Variants in CNOT6 observed in about 807,000 individuals in gnomAD.
CNOT6 encodes carbon catabolite repression 4 protein.
CNOT6 carries 12 observed loss-of-function variants against 61.2 expected under a neutral mutation model. The ratio of observed to expected loss-of-function variants is 0.20; its 90% CI spans 0.13 to 0.32. The LOEUF (loss-of-function observed/expected upper bound fraction) is 0.32. CNOT6 is among the 10% of genes least tolerant of loss of function. The pLI, the probability that CNOT6 is intolerant of heterozygous loss-of-function variation, is 1.00. For missense variants in CNOT6, 405 were observed against 663.9 expected (o/e 0.61, Z 4.28); for synonymous variants, 225 against 240.6 (o/e 0.94, Z 0.60).
chr5:180,550,174 G>C, intron 3 of CNOT6, 57 bp downstream of exon 3: 3 of 1,396,292 alleles, frequency 2.1e-6, no homozygotes, highest in Non-Finnish European at 3.0e-6. Context: ...CAAAATATAG[G>C]CCGGGCGCAG....
intron 1 of CNOT6, among the ~76,000 whole-genome samples, chr5:180,506,348 G>A (rs1037701008): frequency 1.3e-5 from 2 of 152,204 alleles, no homozygotes; most frequent in African/African-American, 4.8e-5. Context: ...GTGTCATTTA[G>A]TATCCCTGTG....
intron 1 of CNOT6, among the ~76,000 whole-genome samples, chr5:180,510,169 T>TA (rs1757325637): frequency 2.7e-5 from 3 of 109,136 alleles, no homozygotes; most frequent in African/African-American, 7.1e-5. Context: ...TTTTTTTTTT[T>TA]AAGAGATGGT....
intron 10 of CNOT6, among the ~76,000 whole-genome samples, chr5:180,570,496 G>A (rs1015460061): frequency 3.9e-5 from 6 of 152,220 alleles, no homozygotes; most frequent in Non-Finnish European, 8.8e-5. Context: ...AAGCAGTTGA[G>A]TAGTAGTCTC....
intron 2 of CNOT6, among the ~76,000 whole-genome samples, chr5:180,535,511 G>C (rs1758638335): frequency 6.6e-6 from 1 of 152,194 alleles, no homozygotes; most frequent in South Asian, 2.1e-4. Context: ...TAACTCAGTA[G>C]TATTTCTTGG....
intron 3 of CNOT6, among the ~76,000 whole-genome samples, chr5:180,552,268 C>T (rs1349630229): frequency 2.0e-5 from 3 of 152,136 alleles, no homozygotes; most frequent in Non-Finnish European, 4.4e-5. Context: ...CACAGACCTT[C>T]TGGCTTGCTC....
chr5:180,546,663 C>T (rs7727679), intron 2 of CNOT6, among the ~76,000 whole-genome samples: 70,908 of 152,046 alleles, frequency 0.47, 17,561 homozygotes, highest in Non-Finnish European at 0.56. Context: ...TAATCTCATA[C>T]ATACCCACGT....
intron 1 of CNOT6, among the ~76,000 whole-genome samples, chr5:180,499,175 A>G (rs77138693): frequency 0.015 from 2,237 of 152,328 alleles, 47 homozygotes; most frequent in African/African-American, 0.051. Flanking sequence ...TTGCTCTATA[A>G]TACAGGGTCA....
intron 2 of CNOT6, among the ~76,000 whole-genome samples, chr5:180,546,974 T>A (rs888412286): frequency 1.3e-5 from 2 of 152,234 alleles, no homozygotes; most frequent in African/African-American, 4.8e-5. Flanking sequence ...TCATACATAC[T>A]TTATGCAAAT....
chr5:180,537,867 G>C (rs1430082104), intron 2 of CNOT6, among the ~76,000 whole-genome samples: 3 of 148,188 alleles, frequency 2.0e-5, no homozygotes, highest in Non-Finnish European at 4.4e-5. Flanking sequence ...TTCATTGCCA[G>C]TGTATAAGAA....
chr5:180,538,055 T>G (rs1434935543), intron 2 of CNOT6, among the ~76,000 whole-genome samples: 2 of 145,660 alleles, frequency 1.4e-5, no homozygotes, highest in Non-Finnish European at 3.0e-5. Flanking sequence ...TTTTTTTTTT[T>G]TGAGACGGAG....
intron 2 of CNOT6, among the ~76,000 whole-genome samples, chr5:180,543,347 G>T (rs1759141089): frequency 6.6e-6 from 1 of 152,096 alleles, no homozygotes; most frequent in Non-Finnish European, 1.5e-5. Flanking sequence ...GCGTGAGCCA[G>T]TGCACCCGGC....
At chr5:180,558,485 G>A (rs1217927994) in intron 4 of CNOT6, among the ~76,000 whole-genome samples, 3 of 148,480 alleles carry the variant, frequency 2.0e-5, no homozygotes, top group African/African-American at 4.9e-5. Context: ...CCAGGAAGGC[G>A]CGCCCTCCTT....
chr5:180,552,742 G>A (rs991124080), intron 3 of CNOT6, among the ~76,000 whole-genome samples: 4 of 151,984 alleles, frequency 2.6e-5, no homozygotes, highest in South Asian at 2.1e-4. Context: ...GTGTCCCCCC[G>A]GCTCACCCTT....
In CNOT6 at chr5:180,565,963, A is replaced by C; in HGVS notation, c.703A>C (p.Ile235Leu). The C allele has an allele frequency of 6.2e-7, 1 of 1,613,168 alleles. No homozygotes were observed. Among genetic ancestry groups the C allele is most frequent in the Non-Finnish European group, 8.5e-7 (1 of 1,179,520 alleles). The change falls in exon 7 of 12, where the codon ATC becomes CTC. Residue 235 changes from isoleucine to leucine, a missense_variant. By Grantham distance (5) the Ile-to-Leu change is conservative (BLOSUM62 2). Transcript: ENST00000261951. ...IQEILSCNAD[I>L]VSLQEVETEQ... Reference sequence around the variant, plus strand: ...AGAAATCTTGAGCTGCAATGCTGATATCGTAAGTCTTCAGGTAAGTCAGAC... The same window carrying C: ...AGAAATCTTGAGCTGCAATGCTGATCTCGTAAGTCTTCAGGTAAGTCAGAC...
intron 4 of CNOT6, 152 bp downstream of exon 4, chr5:180,553,623 C>T: frequency 1.6e-6 from 1 of 613,906 alleles, no homozygotes; most frequent in Non-Finnish European, 2.8e-6. Context: ...GTTTTATCTT[C>T]TCTGTTCAGC....
At chr5:180,567,597 A>G (rs1760529023) in intron 8 of CNOT6, among the ~76,000 whole-genome samples, 1 of 152,224 alleles carries the variant, frequency 6.6e-6, no homozygotes, top group Non-Finnish European at 1.5e-5. Context: ...CCAACATAAA[A>G]CTTAAACAGA....
At chr5:180,536,512 G>A (rs574588608) in intron 2 of CNOT6, among the ~76,000 whole-genome samples, 31 of 152,132 alleles carry the variant, frequency 2.0e-4, no homozygotes, top group African/African-American at 7.5e-4. Flanking sequence ...CAGGCTGGAT[G>A]GAGTGGTATA....
At chr5:180,558,155 G>T (rs187222382) in intron 4 of CNOT6, among the ~76,000 whole-genome samples, 1 of 152,188 alleles carries the variant, frequency 6.6e-6, no homozygotes, top group African/African-American at 2.4e-5. Context: ...ACAGCTGTGC[G>T]TGGCCACAGG....
At chr5:180,507,954 C>G (rs1230423493) in intron 1 of CNOT6, among the ~76,000 whole-genome samples, 2 of 152,172 alleles carry the variant, frequency 1.3e-5, no homozygotes, top group South Asian at 2.1e-4. Flanking sequence ...AAAGCCACCC[C>G]TGTAATCCAG....
Sources: gnomAD v4.1 joint callset for allele counts (sites outside exome capture counted in the v4.1 genomes callset) on GRCh38, gnomAD v4.1.1 for gene constraint, MANE v1.5 for transcripts, NCBI Gene and HGNC (gene_info 2026-07-23, HGNC 2026-07-21) for gene names.